The following GGT5 variants were observed in gnomAD, a reference collection of about 807,000 sequenced individuals.
GGT5 encodes the protein glutathione hydrolase 5 proenzyme.
A neutral mutation model predicts 58.1 loss-of-function variants in GGT5; 50 were observed. That is an observed-to-expected ratio of 0.86 (90% CI 0.69 to 1.09). The LOEUF (loss-of-function observed/expected upper bound fraction) is 1.09, where lower values mean the gene tolerates loss of function less well. GGT5 is among the 50% of genes least tolerant of loss of function. The pLI is 0.00. For missense variants in GGT5, 800 were observed against 789.4 expected (o/e 1.01, Z -0.16); for synonymous variants, 370 against 346.1 (o/e 1.07, Z -0.77).
At chr22:24,224,655 A>C (rs1278742362) in intron 11 of GGT5, among the ~76,000 whole-genome samples, 2 of 152,226 alleles carry the variant, frequency 1.3e-5, no homozygotes, top group African/African-American at 4.8e-5. Context: ...TACAAATCAC[A>C]CAAGGAAAAA....
At chr22:24,224,232 G>A (rs1307923510) in intron 11 of GGT5, among the ~76,000 whole-genome samples, 2 of 152,168 alleles carry the variant, frequency 1.3e-5, no homozygotes, top group East Asian at 3.9e-4. Context: ...TTTGTAGGCT[G>A]GGCATGGTGG....
Position 24,237,313 on chromosome 22 carries a change from A to G in GGT5, c.174-3309T>C, listed in dbSNP as rs2048127306. On this transcript the variant is annotated intron_variant, in intron 1 of 11. Coordinates refer to ENST00000327365, the MANE Select transcript of GGT5 (RefSeq NM_004121.5). ...GTCAACTAGAAATAGAGCAGCCCTCAGGAGCACTGGATCCAGCTTCAAATC... is the reference window on the plus strand; with the variant it reads ...GTCAACTAGAAATAGAGCAGCCCTCGGGAGCACTGGATCCAGCTTCAAATC... Among the ~76,000 whole-genome samples, 4 of 152,146 alleles carry G rather than the reference A, an allele frequency of 2.6e-5. No homozygotes were observed. The South Asian group carries it at 8.3e-4, about 31-fold the overall frequency.
At chr22:24,240,482 G>T (rs1601432390) in intron 1 of GGT5, among the ~76,000 whole-genome samples, 1 of 151,354 alleles carries the variant, frequency 6.6e-6, no homozygotes, top group East Asian at 1.9e-4. Context: ...AACCAAGAAA[G>T]CTGTATAACT....
At chr22:24,238,866 A>T (rs59311873) in intron 1 of GGT5, among the ~76,000 whole-genome samples, 141 of 9,076 alleles carry the variant, frequency 0.016, 10 homozygotes, top group Admixed American at 0.1. Context: ...TATATATATA[A>T]TATATATAAT....
intron 11 of GGT5, among the ~76,000 whole-genome samples, chr22:24,222,195 A>AAAAAC (rs1024454398): frequency 3.3e-5 from 5 of 152,028 alleles, no homozygotes; most frequent in African/African-American, 9.7e-5. Flanking sequence ...AACAAGCCAA[A>AAAAAC]AAAACAAAAC....
intron 6 of GGT5, among the ~76,000 whole-genome samples, chr22:24,228,207 G>C (rs1236490067): frequency 6.6e-6 from 1 of 152,006 alleles, no homozygotes; most frequent in South Asian, 2.1e-4. Flanking sequence ...GCTGAGGTGA[G>C]AGGATTGCTT....
At chr22:24,226,383 G>T in intron 7 of GGT5, 117 bp from the exon 8 acceptor site, 1 of 842,712 alleles carries the variant, frequency 1.2e-6, no homozygotes, top group East Asian at 2.6e-5. Context: ...TCTACCTTGT[G>T]GCCAGGTCTC....
rs1327270894 is a variant in GGT5 at position 24,232,899 on chromosome 22, G to A, written c.520C>T (p.His174Tyr). ...QPTIALLRGGHVVAPVLSRFL... is the reference protein window; with the variant it reads ...QPTIALLRGGYVVAPVLSRFL... The stretch of plus-strand genomic sequence containing the variant: ...CGGCTGAGGACAGGGGCCACCACAT[G>A]CCCCCCTCGGAGCAGCGCGATGGTG... The change falls in exon 4 of 12, where the codon CAT becomes TAT. Residue 174 changes from histidine to tyrosine, a missense_variant. Coordinates refer to ENST00000327365, the MANE Select transcript of GGT5 (RefSeq NM_004121.5). 2 of 1,584,070 alleles carry A rather than the reference G, an allele frequency of 1.3e-6. No individual in the cohort carries two copies.
rs2048432931 is a variant in GGT5 at position 24,244,838 on chromosome 22, A to G, written c.-113T>C. Reference sequence around the variant, plus strand: ...GAGTCACAGGTAATTGGACAGATGGACAAACAGGTGGGGGCTGAAGACAGA... The same window carrying G: ...GAGTCACAGGTAATTGGACAGATGGGCAAACAGGTGGGGGCTGAAGACAGA... On this transcript the variant is annotated 5_prime_UTR_variant, in exon 1 of 12. Transcript: ENST00000327365. The G allele has an allele frequency of 2.1e-6, 3 of 1,452,734 alleles. No homozygotes were observed. The South Asian group carries it at 4.2e-5, about 20-fold the overall frequency. The allele number at this position is 1,452,734 out of a possible 1,614,324, so 90.0% of individuals were successfully genotyped here.
At chr22:24,231,048 C>T (rs903707389) in intron 6 of GGT5, among the ~76,000 whole-genome samples, 2 of 152,194 alleles carry the variant, frequency 1.3e-5, no homozygotes, top group African/African-American at 4.8e-5. Context: ...GCTTCGCTCC[C>T]CCAGGTGCAC....
intron 1 of GGT5, 96 bp downstream of exon 1, chr22:24,244,457 C>G: frequency 9.5e-7 from 1 of 1,054,976 alleles, no homozygotes; most frequent in Non-Finnish European, 1.4e-6. Context: ...CACACACCCA[C>G]ACATACATTC....
At chr22:24,233,216 C>A (rs1184468632) in intron 3 of GGT5, among the ~76,000 whole-genome samples, 198 bp from the exon 4 acceptor site, 1 of 152,214 alleles carries the variant, frequency 6.6e-6, no homozygotes, top group Non-Finnish European at 1.5e-5. Context: ...CCTACACAAA[C>A]TGGCCCCAGG....
intron 11 of GGT5, 35 bp downstream of exon 11, chr22:24,224,961 C>T (rs2047704831): frequency 7.2e-7 from 1 of 1,387,042 alleles, no homozygotes; most frequent in Non-Finnish European, 1.0e-6. Context: ...GGAGTGGGCT[C>T]TGCCCTAGGC....
chr22:24,244,574 T>C lies in GGT5; in HGVS notation c.152A>G (p.Lys51Arg). 1 of 1,612,234 alleles carries C rather than the reference T, an allele frequency of 6.2e-7. No individual in the cohort carries two copies. Among genetic ancestry groups the C allele is most frequent in the Non-Finnish European group, 8.5e-7 (1 of 1,179,784 alleles). Residue 51 changes from lysine (K) to arginine (R), a missense_variant, in exon 1 of 12, where the codon AAG (lysine) becomes AGG (arginine). Physicochemically the swap from Lys to Arg is conservative, Grantham distance 26. Coordinates refer to ENST00000327365, the MANE Select transcript of GGT5 (RefSeq NM_004121.5). ...TCACCGTCCAATATCCGAGCAGACC[T>C]TGGAGTCGGCGGCAACAGCAGCGTG... ...FAHAAVAADS[K>R]VCSDIGRAIL... is the part of the protein sequence containing the mutation.
At chr22:24,239,092 C>T (rs190323130) in intron 1 of GGT5, among the ~76,000 whole-genome samples, 1 of 146,830 alleles carries the variant, frequency 6.8e-6, no homozygotes, top group African/African-American at 2.5e-5. Context: ...GTAATCCCAG[C>T]ACTTTGGGAG....
intron 7 of GGT5, 38 bp from the exon 8 acceptor site, chr22:24,226,304 C>A (rs2047764496): frequency 1.3e-6 from 2 of 1,504,868 alleles, no homozygotes; most frequent in Admixed American, 1.7e-5. Flanking sequence ...CAGTGAGGGG[C>A]CAGGCAGAAT....
chr22:24,223,226 AC>A (rs1189531673), intron 11 of GGT5, among the ~76,000 whole-genome samples: 1 of 152,106 alleles, frequency 6.6e-6, no homozygotes, highest in Admixed American at 6.6e-5. Flanking sequence ...ACATGGGGAA[AC>A]CCCATCTTTA....
chr22:24,238,899 ATATATATTATATATAT>A (rs1569372357), intron 1 of GGT5, among the ~76,000 whole-genome samples: 17 of 11,508 alleles, frequency 1.5e-3, no homozygotes, highest in African/African-American at 8.0e-3. Context: ...TTTTATATAT[ATATATATTATATATAT>A]TATATATATA....
chr22:24,228,836 T>C (rs1410215738), intron 6 of GGT5, among the ~76,000 whole-genome samples: 2 of 151,544 alleles, frequency 1.3e-5, no homozygotes, highest in African/African-American at 2.4e-5. Flanking sequence ...CTTATGCCTA[T>C]AATCCCAACA....
Sources: allele counts gnomAD v4.1 joint callset (sites outside exome capture counted in the v4.1 genomes callset), GRCh38; gene constraint gnomAD v4.1.1; transcripts MANE v1.5; gene names NCBI Gene and HGNC (gene_info 2026-07-23, HGNC 2026-07-21).